Variants in GALNT13 observed in about 807,000 individuals in gnomAD.
GALNT13 encodes the protein polypeptide N-acetylgalactosaminyltransferase 13.
Under a neutral mutation model 64.2 loss-of-function variants are expected in GALNT13, and 28 were observed. The ratio of observed to expected loss-of-function variants is 0.44; its 90% CI spans 0.32 to 0.60. The LOEUF is 0.60. Among genes scored for constraint, GALNT13 ranks in the 20% least tolerant of loss-of-function variants. GALNT13 has a pLI of 0.05. For missense variants in GALNT13, 577 were observed against 669.8 expected, an observed-to-expected ratio of 0.86 and a Z score of 1.53; for synonymous variants, 214 against 224.6, an observed-to-expected ratio of 0.95 and a Z score of 0.42.
At chr2:153,792,649 A>G in the GALNT13 span, among the ~76,000 whole-genome samples, 1 of 152,208 alleles carries the variant, frequency 6.6e-6, no homozygotes, top group Admixed American at 6.5e-5. Flanking sequence ...TAATAGCTAC[A>G]TAATAAATAC....
At chr2:153,290,929 C>T in the GALNT13 span, among the ~76,000 whole-genome samples, 1 of 152,108 alleles carries the variant, frequency 6.6e-6, no homozygotes, top group Admixed American at 6.6e-5. Context: ...GGAAAAATGC[C>T]ATTTTCTATA....
At chr2:153,199,295 G>T in the GALNT13 span, among the ~76,000 whole-genome samples, 40 of 152,312 alleles carry the variant, frequency 2.6e-4, 1 homozygote, top group Admixed American at 9.1e-4. Flanking sequence ...AAAGCTTATG[G>T]CTGTAGGCTA....
intron 9 of GALNT13, among the ~76,000 whole-genome samples, chr2:154,312,120 G>T (rs1393198980): frequency 6.8e-6 from 1 of 146,950 alleles, no homozygotes; most frequent in Non-Finnish European, 1.5e-5. Flanking sequence ...AATCACAAGG[G>T]TATTGATTGG....
intron 9 of GALNT13, among the ~76,000 whole-genome samples, chr2:154,340,095 ACT>A (rs1254955065): frequency 1.3e-5 from 2 of 152,068 alleles, no homozygotes; most frequent in Non-Finnish European, 2.9e-5. Flanking sequence ...CAAATAATAG[ACT>A]CTGACATTTC....
intron 3 of GALNT13, among the ~76,000 whole-genome samples, chr2:154,098,342 TA>T (rs1450410538): frequency 2.0e-5 from 3 of 151,976 alleles, no homozygotes; most frequent in Admixed American, 1.3e-4. Flanking sequence ...TTGAATGGAT[TA>T]TTTTTTTTTC....
the GALNT13 span, among the ~76,000 whole-genome samples, chr2:153,758,566 A>C: frequency 2.0e-5 from 3 of 152,088 alleles, no homozygotes; most frequent in Non-Finnish European, 4.4e-5. Flanking sequence ...CAATATGTAG[A>C]TCACTTTGAG....
chr2:154,332,571 A>G (rs1024844528), intron 9 of GALNT13, among the ~76,000 whole-genome samples: 1 of 152,096 alleles, frequency 6.6e-6, no homozygotes, highest in Non-Finnish European at 1.5e-5. Context: ...TGCTGAAACC[A>G]CAAGTTGAGG....
chr2:153,256,901 T>C, the GALNT13 span, among the ~76,000 whole-genome samples: 1 of 152,198 alleles, frequency 6.6e-6, no homozygotes, highest in African/African-American at 2.4e-5. Context: ...ACTGTTGTCT[T>C]TTTGTTTGTC....
the GALNT13 span, among the ~76,000 whole-genome samples, chr2:153,100,750 C>A: frequency 1.3e-5 from 2 of 152,254 alleles, no homozygotes; most frequent in African/African-American, 4.8e-5. Context: ...ATATCTAGGC[C>A]AGGCACTATG....
At chr2:153,379,612 G>C in the GALNT13 span, among the ~76,000 whole-genome samples, 1 of 152,144 alleles carries the variant, frequency 6.6e-6, no homozygotes, top group African/African-American at 2.4e-5. Context: ...AATGATGACA[G>C]GTCTACGAAG....
intron 3 of GALNT13, among the ~76,000 whole-genome samples, chr2:154,029,336 A>T (rs549738681): frequency 6.6e-6 from 1 of 152,164 alleles, no homozygotes; most frequent in South Asian, 2.1e-4. Flanking sequence ...GAAAAGCCTT[A>T]AACTGCTAAG....
the GALNT13 span, among the ~76,000 whole-genome samples, chr2:153,265,349 A>T: frequency 6.6e-6 from 1 of 152,132 alleles, no homozygotes; most frequent in Admixed American, 6.5e-5. Flanking sequence ...CTCAGGTCTG[A>T]TGGCTGGAAT....
At chr2:153,478,534 A>G in the GALNT13 span, 6 of 1,605,034 alleles carry the variant, frequency 3.7e-6, no homozygotes, top group Non-Finnish European at 5.1e-6. Flanking sequence ...CAGGCCCGCC[A>G]CGTCCGTCTG....
intron 9 of GALNT13, among the ~76,000 whole-genome samples, chr2:154,338,587 T>C (rs1695583662): frequency 6.6e-6 from 1 of 152,040 alleles, no homozygotes; most frequent in Non-Finnish European, 1.5e-5. Context: ...CCACGGTCAG[T>C]CAGGAGGCAG....
the GALNT13 span, among the ~76,000 whole-genome samples, chr2:153,223,444 A>G: frequency 2.6e-5 from 4 of 152,230 alleles, no homozygotes; most frequent in Non-Finnish European, 5.9e-5. Flanking sequence ...TACATTATAT[A>G]TACCATACAA....
At chr2:154,282,143 A>G (rs1261663313) in intron 8 of GALNT13, among the ~76,000 whole-genome samples, 2 of 152,156 alleles carry the variant, frequency 1.3e-5, no homozygotes, top group Non-Finnish European at 2.9e-5. Flanking sequence ...CAACTTTAAC[A>G]TCTCCAAATT....
intron 4 of GALNT13, among the ~76,000 whole-genome samples, chr2:154,144,653 G>C (rs2105593503): frequency 6.6e-6 from 1 of 152,160 alleles, no homozygotes; most frequent in East Asian, 1.9e-4. Flanking sequence ...TGTCCAAAAA[G>C]TTTAATGTTA....
chr2:154,131,296 A>G (rs956046922), intron 3 of GALNT13, among the ~76,000 whole-genome samples: 2 of 152,320 alleles, frequency 1.3e-5, no homozygotes, highest in East Asian at 1.9e-4. Context: ...TATTATAAGG[A>G]TGATTGTGAA....
At chr2:154,234,581 C>T (rs1017767202) in intron 4 of GALNT13, among the ~76,000 whole-genome samples, 73 of 152,108 alleles carry the variant, frequency 4.8e-4, no homozygotes, top group African/African-American at 1.7e-3. Context: ...TTCATATACT[C>T]TTTCCCTTTC....
Sources: allele counts gnomAD v4.1 joint callset (sites outside exome capture counted in the v4.1 genomes callset), GRCh38; gene constraint gnomAD v4.1.1; transcripts MANE v1.5; gene names NCBI Gene and HGNC (gene_info 2026-07-23, HGNC 2026-07-21).